Variants in ADAMTS19 observed in about 807,000 individuals in gnomAD.
ADAMTS19 encodes the protein A disintegrin and metalloproteinase with thrombospondin motifs 19.
Under a neutral mutation model 153.3 loss-of-function variants are expected in ADAMTS19, and 93 were observed. The observed-to-expected ratio is 0.61, with a 90% CI of 0.51 to 0.72. The LOEUF is 0.72. Among genes scored for constraint, ADAMTS19 ranks in the 30% least tolerant of loss-of-function variants. The probability of loss-of-function intolerance (pLI) is 0.00; values close to 1 mark genes in which losing one functional copy is unlikely to be tolerated. For missense variants in ADAMTS19, 1,482 were observed against 1,552.1 expected (o/e 0.95, Z 0.76); for synonymous variants, 600 against 556.6 (o/e 1.08, Z -1.10).
intron 2 of ADAMTS19, among the ~76,000 whole-genome samples, chr5:129,507,609 G>A (rs1244438911): frequency 1.3e-5 from 2 of 151,524 alleles, no homozygotes; most frequent in Non-Finnish European, 2.9e-5. Context: ...GTTCATTAGA[G>A]TAAATCTTTC....
chr5:129,579,717 G>T (rs1749412577), intron 7 of ADAMTS19, among the ~76,000 whole-genome samples: 1 of 152,050 alleles, frequency 6.6e-6, no homozygotes, highest in Admixed American at 6.5e-5. Flanking sequence ...GCTTGTTTTT[G>T]TCAGGTTTGT....
In ADAMTS19 at chr5:129,561,046, T is replaced by TA. The variant is rs147603218; in HGVS notation, c.1372+9144dup. 4.8e-3 allele frequency among the ~76,000 whole-genome samples: 725 copies of TA among 152,314 alleles called. 8 individuals are homozygous for TA. Among genetic ancestry groups the TA allele is most frequent in the African/African-American group, 0.016 (666 of 41,578 alleles). On this transcript the variant is annotated intron_variant, in intron 7 of 22. Coordinates refer to ENST00000274487, the MANE Select transcript of ADAMTS19 (RefSeq NM_133638.6). ...ATTAGAAATTAAAATAGATAAATTC[T>TA]AAAAACATTTTGATTTATTTAAAAT...
chr5:129,634,693 A>G (rs927689142), intron 10 of ADAMTS19, among the ~76,000 whole-genome samples: 1 of 152,142 alleles, frequency 6.6e-6, no homozygotes, highest in South Asian at 2.1e-4. Context: ...CTTACTAGCC[A>G]TATGCAGAAG....
chr5:129,599,460 A>T (rs926812189), intron 8 of ADAMTS19, among the ~76,000 whole-genome samples: 1 of 152,224 alleles, frequency 6.6e-6, no homozygotes, highest in Admixed American at 6.5e-5. Flanking sequence ...TTTTGTAAAC[A>T]GATTTTAAAT....
intron 19 of ADAMTS19, among the ~76,000 whole-genome samples, chr5:129,700,266 A>G (rs1236550327): frequency 6.6e-6 from 1 of 152,192 alleles, no homozygotes; most frequent in African/African-American, 2.4e-5. Flanking sequence ...ATCAAAGAAT[A>G]ATATTGGAGT....
chr5:129,686,882 G>C (rs538116527), intron 18 of ADAMTS19, among the ~76,000 whole-genome samples: 58 of 152,196 alleles, frequency 3.8e-4, no homozygotes, highest in African/African-American at 1.4e-3. Context: ...AGTCACCCTT[G>C]CCACAAGAAA....
intron 2 of ADAMTS19, among the ~76,000 whole-genome samples, chr5:129,501,918 A>C (rs1751119313): frequency 6.6e-6 from 1 of 152,160 alleles, no homozygotes; most frequent in Non-Finnish European, 1.5e-5. Flanking sequence ...CAGATATACA[A>C]ACTTTGAGAG....
At chr5:129,693,968 CTTA>C (rs1755446462) in intron 18 of ADAMTS19, among the ~76,000 whole-genome samples, 1 of 152,096 alleles carries the variant, frequency 6.6e-6, no homozygotes. Context: ...CTTTCCATAA[CTTA>C]TTATAAAGCA....
At chr5:129,556,309 C>G (rs998426863) in intron 7 of ADAMTS19, among the ~76,000 whole-genome samples, 6 of 152,058 alleles carry the variant, frequency 3.9e-5, no homozygotes, top group Non-Finnish European at 8.8e-5. Context: ...AATGGCTTAC[C>G]AGGGTTGTCA....
intron 17 of ADAMTS19, among the ~76,000 whole-genome samples, chr5:129,683,249 G>T (rs39858): frequency 8.4e-6 from 1 of 118,406 alleles, no homozygotes; most frequent in Admixed American, 1.0e-4. Context: ...GGGGAGGGGG[G>T]TGGGTGTATT....
At chr5:129,537,654 T>C (rs980281194) in intron 6 of ADAMTS19, among the ~76,000 whole-genome samples, 2 of 152,006 alleles carry the variant, frequency 1.3e-5, no homozygotes, top group South Asian at 2.1e-4. Context: ...GAAACCATCA[T>C]TCTCAGCAAA....
chr5:129,525,396 A>C (rs924016579), intron 3 of ADAMTS19, among the ~76,000 whole-genome samples: 23 of 152,206 alleles, frequency 1.5e-4, no homozygotes, highest in Non-Finnish European at 1.5e-5. Flanking sequence ...TATTTGCCTG[A>C]AGACCAGTGA....
At chr5:129,558,974 A>T (rs947613997) in intron 7 of ADAMTS19, among the ~76,000 whole-genome samples, 1 of 152,120 alleles carries the variant, frequency 6.6e-6, no homozygotes, top group African/African-American at 2.4e-5. Flanking sequence ...ATCATAAAGA[A>T]GCTATATTAA....
chr5:129,500,324 G>T (rs1228831041), intron 2 of ADAMTS19: 1 of 152,176 alleles, frequency 6.6e-6, no homozygotes, highest in East Asian at 1.9e-4. Context: ...CACCCAGAAG[G>T]AGGGGCAGGT....
chr5:129,665,881 C>CATATATATATATATATATATATAT (rs3979171), intron 16 of ADAMTS19, among the ~76,000 whole-genome samples: 3 of 143,680 alleles, frequency 2.1e-5, no homozygotes, highest in African/African-American at 7.5e-5. Context: ...GATTTATATT[C>CATATATATATATATATATATATAT]ATATATATAT....
intron 21 of ADAMTS19, among the ~76,000 whole-genome samples, chr5:129,717,968 A>G (rs1405500825): frequency 6.6e-6 from 1 of 152,198 alleles, no homozygotes; most frequent in Non-Finnish European, 1.5e-5. Flanking sequence ...GTCATTCCAA[A>G]AAGTTCTCTC....
rs190661293 is a variant in ADAMTS19 at position 129,531,861 on chromosome 5, A to G, written c.1328+3184A>G. Among the ~76,000 whole-genome samples the G allele has an allele frequency of 2.9e-3, 436 of 152,288 alleles. 3 individuals carry two copies. The highest frequency in any genetic ancestry group is 9.8e-3 in the African/African-American group (408 of 41,572). ...AAATAAACCCAGATATATAGGGTCA[A>G]TTGATTTTTAATAAAGCTACCAACA... On this transcript the variant is annotated intron_variant, in intron 6 of 22. Coordinates refer to ENST00000274487, the MANE Select transcript of ADAMTS19 (RefSeq NM_133638.6).
At chr5:129,614,972 C>G (rs1581148499) in intron 8 of ADAMTS19, among the ~76,000 whole-genome samples, 1 of 152,252 alleles carries the variant, frequency 6.6e-6, no homozygotes, top group South Asian at 2.1e-4. Context: ...AGGAATCCAA[C>G]TTACAAGGGA....
chr5:129,485,262 G>T (rs753564008), intron 2 of ADAMTS19, among the ~76,000 whole-genome samples: 11 of 152,146 alleles, frequency 7.2e-5, no homozygotes, highest in Middle Eastern at 3.4e-3. Flanking sequence ...ATGAGACAAA[G>T]AAGAAATCCC....
Sources: gnomAD v4.1 joint callset for allele counts (sites outside exome capture counted in the v4.1 genomes callset) on GRCh38, gnomAD v4.1.1 for gene constraint, MANE v1.5 for transcripts, NCBI Gene and HGNC (gene_info 2026-07-23, HGNC 2026-07-21) for gene names.